HTR3B: variants seen among roughly 807,000 people sequenced by gnomAD.
HTR3B encodes 5-hydroxytryptamine receptor 3B, also known as 5-hydroxytryptamine (serotonin) receptor 3B, ionotropic.
HTR3B carries 44 observed loss-of-function variants against 42.8 expected under a neutral mutation model. The ratio of observed to expected loss-of-function variants is 1.03; its 90% confidence interval spans 0.81 to 1.32. The LOEUF is 1.32. Among genes scored for constraint, HTR3B ranks in the 40% most tolerant of loss-of-function variants. The probability of loss-of-function intolerance (pLI) is 0.00; values close to 1 mark genes in which losing one functional copy is unlikely to be tolerated. For missense variants in HTR3B, 527 were observed against 536.5 expected (o/e 0.98, Z 0.17); for synonymous variants, 203 against 209.0 (o/e 0.97, Z 0.25).
In HTR3B at chr11:113,920,538, G is replaced by C. The variant is rs1949902731; in HGVS notation, c.214-10846G>C. On this transcript the variant is annotated intron_variant, in intron 2 of 8. Transcript: ENST00000260191. ...TTACAGGCACCTACCACCATGTCCA[G>C]CTAACTTGTATTTTTAGTAGAGACG... Among the ~76,000 whole-genome samples the C allele has an allele frequency of 2.6e-5, 4 of 151,848 alleles. No individual in the cohort carries two copies. The South Asian group carries it at 6.2e-4, about 24-fold the overall frequency.
chr11:113,931,230 A>T lies in HTR3B; in HGVS notation c.214-154A>T, dbSNP rs144686185. On this transcript the variant is annotated intron_variant, in intron 2 of 8. Transcript: ENST00000260191. ...GTGTGCATAATAAGTAAGAACTGAG[A>T]ATGCCTAGGTATTGAAGAGTCTAGG... 7.0e-4 allele frequency among the ~76,000 whole-genome samples: 103 copies of T among 146,782 alleles called. 2 individuals carry two copies. In the East Asian group the frequency reaches 0.017, roughly 24 times the overall value.
chr11:113,914,225 C>T (rs559198871), intron 2 of HTR3B, among the ~76,000 whole-genome samples: 8 of 151,796 alleles, frequency 5.3e-5, no homozygotes, highest in East Asian at 2.0e-4. Context: ...CCCAGCACTT[C>T]GGGAGGCCGA....
chr11:113,945,998 A>G lies in HTR3B; in HGVS notation c.1187A>G (p.Asp396Gly). 6.2e-7 allele frequency: 1 copy of G among 1,614,094 alleles called. No individual in the cohort carries two copies. The highest frequency in any genetic ancestry group is 8.5e-7 in the Non-Finnish European group (1 of 1,180,018). ...QSISNYLQTQ[D>G]QTDQQEAEWL... ...ATCAGCAACTACCTCCAAACTCAGG[A>G]CCAGACAGACCAACAGGAGGCAGAG... is the stretch of plus-strand genomic sequence containing the variant. The change falls in exon 9 of 9, where the codon GAC becomes GGC. Residue 396 changes from aspartate (D) to glycine (G), a missense_variant. Transcript: ENST00000260191.
intron 2 of HTR3B, among the ~76,000 whole-genome samples, chr11:113,911,964 A>G (rs910420611): frequency 6.6e-6 from 1 of 151,996 alleles, no homozygotes; most frequent in African/African-American, 2.4e-5. Flanking sequence ...GATTAGTTTT[A>G]CTGGTTGTAG....
chr11:113,905,496 G>A (rs922931383), intron 1 of HTR3B, among the ~76,000 whole-genome samples: 8 of 152,134 alleles, frequency 5.3e-5, no homozygotes, highest in African/African-American at 1.7e-4. Flanking sequence ...ATCTATATAG[G>A]TGATGAGTAT....
intron 2 of HTR3B, among the ~76,000 whole-genome samples, chr11:113,929,720 C>T (rs1950012418): frequency 6.6e-6 from 1 of 151,956 alleles, no homozygotes; most frequent in African/African-American, 2.4e-5. Flanking sequence ...TCAAGTCTCT[C>T]ACCCATTTTT....
intron 2 of HTR3B, among the ~76,000 whole-genome samples, chr11:113,917,113 G>C (rs2137498408): frequency 6.6e-6 from 1 of 151,460 alleles, no homozygotes; most frequent in South Asian, 2.1e-4. Context: ...AAATGTGGTT[G>C]ATAGTGGTGT....
chr11:113,948,567 C>T lies in HTR3B; in HGVS notation c.*2430C>T, dbSNP rs1216685118. Among the ~76,000 whole-genome samples the T allele has an allele frequency of 1.3e-5, 2 of 152,150 alleles. No individual in the cohort carries two copies. The highest frequency in any genetic ancestry group is 2.9e-5 in the Non-Finnish European group (2 of 68,018). On this transcript the variant is annotated 3_prime_UTR_variant, in exon 9 of 9. Coordinates refer to ENST00000260191, the MANE Select transcript of HTR3B (RefSeq NM_006028.5). ...AAATGAAAAAATGTATTGAACAATG[C>T]TTTGAAAAGTAAATAATGGGGCGTG...
At chr11:113,933,935 C>T (rs887394721) in intron 6 of HTR3B, among the ~76,000 whole-genome samples, 4 of 152,132 alleles carry the variant, frequency 2.6e-5, no homozygotes, top group African/African-American at 9.7e-5. Flanking sequence ...GTCCTTCATG[C>T]CAAGTAATGG....
upstream of HTR3B, among the ~76,000 whole-genome samples, chr11:113,900,701 CA>C (rs1280916318): frequency 6.6e-6 from 1 of 152,110 alleles, no homozygotes; most frequent in African/African-American, 2.4e-5. Context: ...CCATGTTGGT[CA>C]GGCTGGTCTC....
intron 2 of HTR3B, among the ~76,000 whole-genome samples, chr11:113,915,665 C>T (rs186703742): frequency 1.4e-4 from 22 of 152,230 alleles, no homozygotes; most frequent in South Asian, 1.0e-3. Context: ...TTTTCTTTCT[C>T]TTGGATAAAT....
Position 113,946,689 on chromosome 11 carries a change from A to AGG in HTR3B, c.*553_*554insGG, listed in dbSNP as rs1187503536. On this transcript the variant is annotated 3_prime_UTR_variant, in exon 9 of 9. Coordinates refer to ENST00000260191, the MANE Select transcript of HTR3B (RefSeq NM_006028.5). ...AAAAGTAAACTTTCCTTCTTATCCC[A>AGG]GTCCACTCACCCAAAGCAACCACTG... The AGG allele has an allele frequency of 6.6e-6, 1 of 152,300 alleles. No individual in the cohort carries two copies. Among genetic ancestry groups the AGG allele is most frequent in the African/African-American group, 2.4e-5 (1 of 41,466 alleles). 9.4% of individuals were successfully genotyped at this position (152,300 alleles called of 1,614,324 possible).
upstream of HTR3B, among the ~76,000 whole-genome samples, chr11:113,899,927 C>G (rs554124615): frequency 3.7e-4 from 57 of 152,270 alleles, no homozygotes; most frequent in Admixed American, 5.2e-4. Context: ...AGATTCAAAT[C>G]CCAGATTAAG....
chr11:113,933,403 T>C (rs1042178581), intron 6 of HTR3B, among the ~76,000 whole-genome samples: 1 of 152,002 alleles, frequency 6.6e-6, no homozygotes, highest in African/African-American at 2.4e-5. Context: ...TGGCTTCTAA[T>C]TGCTACTCAG....
In HTR3B at chr11:113,943,148, T is replaced by G. The variant is rs1395139004; in HGVS notation, c.863T>G (p.Met288Arg). The stretch of plus-strand genomic sequence containing the variant: ...GGCTACACCGTCTTCAGGGTCAACA[T>G]GTCCAACCAGGTGCCACGGAGTGTA... ...LVGYTVFRVN[M>R]SNQVPRSVGS... Residue 288 changes from methionine (M) to arginine (R), a missense_variant, in exon 7 of 9, where the codon ATG becomes AGG. By Grantham distance (91) the Met-to-Arg change is moderately conservative. Coordinates refer to ENST00000260191, the MANE Select transcript of HTR3B (RefSeq NM_006028.5). 3 of 1,614,132 alleles carry G rather than the reference T, an allele frequency of 1.9e-6. No homozygotes were observed. Among genetic ancestry groups the G allele is most frequent in the African/African-American group, 1.3e-5 (1 of 75,048 alleles).
At chr11:113,901,332 A>G (rs962166981), upstream of HTR3B, among the ~76,000 whole-genome samples, 4 of 151,714 alleles carry the variant, frequency 2.6e-5, no homozygotes, top group African/African-American at 9.7e-5. Context: ...ACTCCCAGCT[A>G]TGGGAGGCTG....
chr11:113,932,943 C>T lies in HTR3B; in HGVS notation c.546C>T (p.Asp182=), dbSNP rs753007821. 14 of 1,613,840 alleles carry T rather than the reference C, an allele frequency of 8.7e-6. No homozygotes were observed. The highest frequency in any genetic ancestry group is 2.2e-5 in the East Asian group (1 of 44,880). ...TFKSILHTVE[D]VDLAFLRSPE... is the part of the protein sequence containing the mutation. ...TGTTTGTGTTGTTTGCAGTGGAAGA[C>T]GTAGACCTGGCCTTTCTGAGGAGCC... The change falls in exon 6 of 9, where the codon GAC becomes GAT. Residue 182 remains aspartate, a synonymous_variant. Transcript: ENST00000260191.
chr11:113,908,918 G>C, intron 1 of HTR3B: 1 of 279,622 alleles, frequency 3.6e-6, no homozygotes, highest in Admixed American at 5.2e-5. Context: ...AAACCAACGC[G>C]GGAGTTAAGT....
At chr11:113,924,344 G>C (rs1949946579) in intron 2 of HTR3B, among the ~76,000 whole-genome samples, 1 of 152,006 alleles carries the variant, frequency 6.6e-6, no homozygotes, top group African/African-American at 2.4e-5. Flanking sequence ...GGCTGGGCAC[G>C]GTGGCTCACA....
Sources: gnomAD v4.1 joint callset for allele counts (sites outside exome capture counted in the v4.1 genomes callset) on GRCh38, gnomAD v4.1.1 for gene constraint, MANE v1.5 for transcripts, NCBI Gene and HGNC (gene_info 2026-07-23, HGNC 2026-07-21) for gene names.